Variants in PPP2R2C observed in about 807,000 individuals in gnomAD.
PPP2R2C encodes protein phosphatase 2, regulatory subunit B, gamma.
Under a neutral mutation model 45.3 loss-of-function variants are expected in PPP2R2C, and 10 were observed. That is an observed-to-expected ratio of 0.22 (90% confidence interval 0.14 to 0.37). The LOEUF is 0.37. PPP2R2C is among the 10% of genes least tolerant of loss of function. PPP2R2C has a pLI of 1.00. For synonymous variants in PPP2R2C, 257 were observed against 245.4 expected (o/e 1.05, Z -0.44); for missense variants, 308 against 619.7 (o/e 0.50, Z 5.34).
At chr4:6,490,870 C>T (rs555538087) in intron 2 of PPP2R2C, among the ~76,000 whole-genome samples, 2 of 152,318 alleles carry the variant, frequency 1.3e-5, no homozygotes, top group African/African-American at 4.8e-5. Context: ...GGTAGGGACT[C>T]TTAGTGTCTC....
intron 1 of PPP2R2C, among the ~76,000 whole-genome samples, chr4:6,546,234 CAG>C (rs1349380960): frequency 4.6e-5 from 7 of 152,232 alleles, no homozygotes; most frequent in African/African-American, 1.7e-4. Flanking sequence ...GCAGTACAGC[CAG>C]AGTCAAACCG....
chr4:6,413,519 T>G (rs1013984825), intron 1 of PPP2R2C, among the ~76,000 whole-genome samples: 1 of 152,204 alleles, frequency 6.6e-6, no homozygotes, highest in Non-Finnish European at 1.5e-5. Context: ...CAGCCGGTAA[T>G]TAAACCTGCC....
At chr4:6,457,112 G>C (rs937094730) in intron 1 of PPP2R2C, among the ~76,000 whole-genome samples, 1 of 149,560 alleles carries the variant, frequency 6.7e-6, no homozygotes, top group African/African-American at 2.5e-5. Context: ...AGGAGGCTGA[G>C]GCAGGAGAAT....
intron 1 of PPP2R2C, among the ~76,000 whole-genome samples, chr4:6,469,133 C>A (rs1046982404): frequency 1.4e-5 from 2 of 142,556 alleles, no homozygotes; most frequent in Non-Finnish European, 3.0e-5. Flanking sequence ...GAATTCACAC[C>A]AAGATGTGAA....
At chr4:6,401,873 CA>C (rs1717436263) in intron 1 of PPP2R2C, among the ~76,000 whole-genome samples, 1 of 152,172 alleles carries the variant, frequency 6.6e-6, no homozygotes, top group Non-Finnish European at 1.5e-5. Context: ...CGATGCCAGA[CA>C]CTGTACTGGA....
intron 1 of PPP2R2C, among the ~76,000 whole-genome samples, chr4:6,461,564 G>T (rs1721321346): frequency 2.0e-5 from 3 of 152,180 alleles, no homozygotes; most frequent in African/African-American, 7.2e-5. Flanking sequence ...AGAGGACATG[G>T]GAGCTGACAG....
intron 1 of PPP2R2C, among the ~76,000 whole-genome samples, chr4:6,465,280 G>A (rs565599537): frequency 4.6e-5 from 7 of 152,240 alleles, no homozygotes; most frequent in Admixed American, 3.9e-4. Context: ...GATAACTGTT[G>A]GCCTCTCCCC....
chr4:6,340,474 G>T (rs935701407), intron 6 of PPP2R2C, among the ~76,000 whole-genome samples: 4 of 152,248 alleles, frequency 2.6e-5, no homozygotes, highest in African/African-American at 9.6e-5. Context: ...CCTCCACAAA[G>T]CTCCACACAG....
intron 2 of PPP2R2C, among the ~76,000 whole-genome samples, chr4:6,491,401 G>T (rs989921049): frequency 6.6e-6 from 1 of 152,208 alleles, no homozygotes; most frequent in Non-Finnish European, 1.5e-5. Flanking sequence ...CATGTAGGGT[G>T]GTGGAACCAG....
At chr4:6,526,691 C>T (rs895989898) in intron 2 of PPP2R2C, among the ~76,000 whole-genome samples, 21 of 152,108 alleles carry the variant, frequency 1.4e-4, no homozygotes, top group African/African-American at 4.8e-4. Context: ...GGAGAGAATC[C>T]GGGGGCTGGT....
Position 6,368,313 on chromosome 4 carries a change from C to G in PPP2R2C, c.625+4210G>C, listed in dbSNP as rs550553840. On this transcript the variant is annotated intron_variant, in intron 5 of 8. Transcript: ENST00000382599. This position sits in a 1 kb window ranked among gnomAD's most constrained non-coding sequence, Gnocchi z 4.2. ...GGCTGGAGAGAAATGTACACGGCTG[C>G]GCTGGCTGGGCCACCGACTCCCTGT... Among the ~76,000 whole-genome samples, 1 of 152,188 alleles carries G rather than the reference C, an allele frequency of 6.6e-6. No individual in the cohort carries two copies. Among genetic ancestry groups the G allele is most frequent in the South Asian group, 2.1e-4 (1 of 4,826 alleles).
intron 5 of PPP2R2C, chr4:6,349,867 GT>G: frequency 1.0e-6 from 1 of 976,732 alleles, no homozygotes; most frequent in Non-Finnish European, 1.2e-6. Context: ...TTCCAGCCTG[GT>G]GACAGGGCAA....
chr4:6,543,492 G>T (rs111965795), intron 1 of PPP2R2C, among the ~76,000 whole-genome samples: 2,957 of 152,274 alleles, frequency 0.019, 81 homozygotes, highest in African/African-American at 0.066. Flanking sequence ...GGAGGCCAAG[G>T]TGGGCAGATC....
At position 6,457,828 on chromosome 4, in the gene PPP2R2C, G is replaced by A. The variant is rs543956173; in HGVS notation, c.70+14332C>T. On this transcript the variant is annotated intron_variant, in intron 1 of 8. Coordinates refer to ENST00000382599, the MANE Select transcript of PPP2R2C (RefSeq NM_020416.4). ...TCGCTACTGTTATTGTATACCTTACGATACCAAAAAAGCACCCTTTCTATG... is the reference window on the plus strand; with the variant it reads ...TCGCTACTGTTATTGTATACCTTACAATACCAAAAAAGCACCCTTTCTATG... Among the ~76,000 whole-genome samples the A allele has an allele frequency of 3.9e-5, 6 of 152,240 alleles. No individual in the cohort carries two copies. In the South Asian group the frequency reaches 8.3e-4, roughly 21 times the overall value.
intron 1 of PPP2R2C, among the ~76,000 whole-genome samples, chr4:6,469,077 C>CAAAAAAAAAA (rs142008829): frequency 1.8e-5 from 1 of 56,154 alleles, no homozygotes; most frequent in African/African-American, 7.0e-5. Context: ...GCCCTGCCAC[C>CAAAAAAAAAA]AAAAAAAAAA....
intron 1 of PPP2R2C, among the ~76,000 whole-genome samples, chr4:6,415,085 G>A (rs998464566): frequency 1.3e-5 from 2 of 152,212 alleles, no homozygotes; most frequent in Non-Finnish European, 2.9e-5. Context: ...TGGACAAAAG[G>A]CCCCGTCCTC....
chr4:6,330,420 G>T lies in PPP2R2C; in HGVS notation c.961-1067C>A, dbSNP rs1028151288. On this transcript the variant is annotated intron_variant, in intron 7 of 8. Coordinates refer to ENST00000382599, the MANE Select transcript of PPP2R2C (RefSeq NM_020416.4). This position sits in a 1 kb window ranked among gnomAD's most constrained non-coding sequence, Gnocchi z 7.0. ...GTACCCAGATACTTGGTGTTTCTGT[G>T]AAGACATTTTGTAGGGGAGGTTAAC... is the stretch of plus-strand genomic sequence containing the variant. 2.6e-5 allele frequency among the ~76,000 whole-genome samples: 4 copies of T among 152,216 alleles called. No individual in the cohort carries two copies. The highest frequency in any genetic ancestry group is 9.6e-5 in the African/African-American group (4 of 41,456).
chr4:6,557,767 T>C lies in PPP2R2C; in HGVS notation c.-59+5793A>G, dbSNP rs1447893435. Among the ~76,000 whole-genome samples, 4 of 152,000 alleles carry C rather than the reference T, an allele frequency of 2.6e-5. No individual in the cohort carries two copies. In the East Asian group the frequency reaches 7.7e-4, roughly 29 times the overall value. On this transcript the variant is annotated intron_variant, in intron 1 of 9. Coordinates refer to the PPP2R2C transcript ENST00000506140. ...GAGACAATGGCTTGACCTGGGGTAG[T>C]AGAGATGAAGAAGGAGAGGAGGCAG...
At chr4:6,420,986 G>C (rs1361767149) in intron 1 of PPP2R2C, 3 of 985,242 alleles carry the variant, frequency 3.0e-6, no homozygotes, top group Non-Finnish European at 3.6e-6. Flanking sequence ...AGCTTGGGCA[G>C]CTGGTTCTCC....
Sources: gnomAD v4.1 joint callset for allele counts (sites outside exome capture counted in the v4.1 genomes callset) on GRCh38, gnomAD v4.1.1 for gene constraint, Gnocchi (gnomAD v3.1) non-coding constraint, MANE v1.5 for transcripts, NCBI Gene and HGNC (gene_info 2026-07-23, HGNC 2026-07-21) for gene names.